The following CNBD1 variants were observed in gnomAD, a reference collection of about 807,000 sequenced individuals.
CNBD1 encodes cyclic nucleotide binding domain containing 1.
CNBD1 carries 71 observed loss-of-function variants against 54.4 expected under a neutral mutation model. The observed-to-expected ratio is 1.30, with a 90% CI of 1.08 to 1.59. The LOEUF is 1.59. Among genes scored for constraint, CNBD1 ranks in the 40% most tolerant of loss-of-function variants. The pLI is 0.00. For synonymous variants in CNBD1, 182 were observed against 170.7 expected (o/e 1.07, Z -0.51); for missense variants, 659 against 518.0 (o/e 1.27, Z -2.64).
At chr8:86,956,725 T>C (rs1260721893) in intron 4 of CNBD1, among the ~76,000 whole-genome samples, 1 of 152,220 alleles carries the variant, frequency 6.6e-6, no homozygotes, top group Non-Finnish European at 1.5e-5. Flanking sequence ...TAAGGAGATT[T>C]TGGGCTGAGA....
At chr8:87,036,876 T>C (rs1469853162) in intron 4 of CNBD1, among the ~76,000 whole-genome samples, 4 of 152,218 alleles carry the variant, frequency 2.6e-5, no homozygotes, top group African/African-American at 9.6e-5. Flanking sequence ...TCTCTAGGCC[T>C]GTTACACAGC....
At chr8:87,117,551 CA>C (rs1811800592) in intron 4 of CNBD1, among the ~76,000 whole-genome samples, 1 of 152,090 alleles carries the variant, frequency 6.6e-6, no homozygotes, top group Non-Finnish European at 1.5e-5. Flanking sequence ...ATCTTATTTC[CA>C]AAAAGACAAG....
intron 6 of CNBD1, among the ~76,000 whole-genome samples, chr8:87,254,624 A>T (rs1370909851): frequency 6.6e-6 from 1 of 152,132 alleles, no homozygotes; most frequent in African/African-American, 2.4e-5. Flanking sequence ...AAAGATATGG[A>T]TAATTTGGAA....
intron 3 of CNBD1, among the ~76,000 whole-genome samples, chr8:86,927,513 G>T (rs1043760776): frequency 2.0e-5 from 3 of 152,106 alleles, no homozygotes; most frequent in African/African-American, 7.2e-5. Flanking sequence ...AAGTTGTAGG[G>T]TGTAATTACA....
At chr8:87,227,725 T>G (rs1309530193) in intron 5 of CNBD1, among the ~76,000 whole-genome samples, 1 of 148,872 alleles carries the variant, frequency 6.7e-6, no homozygotes, top group Admixed American at 6.7e-5. Context: ...TGTCTTGGAG[T>G]TGCTCTTCTC....
At chr8:86,929,397 G>A (rs1809419482) in intron 3 of CNBD1, among the ~76,000 whole-genome samples, 1 of 152,194 alleles carries the variant, frequency 6.6e-6, no homozygotes, top group Non-Finnish European at 1.5e-5. Flanking sequence ...CTGGGCGCTG[G>A]TCCCTGGGGG....
intron 4 of CNBD1, among the ~76,000 whole-genome samples, chr8:86,995,679 G>T (rs1166181674): frequency 9.2e-5 from 13 of 140,884 alleles, no homozygotes; most frequent in Non-Finnish European, 1.5e-4. Flanking sequence ...ACAGCAGTGT[G>T]TGTATGGGTG....
At chr8:86,954,478 A>T (rs1206011996) in intron 4 of CNBD1, among the ~76,000 whole-genome samples, 1 of 152,202 alleles carries the variant, frequency 6.6e-6, no homozygotes, top group Non-Finnish European at 1.5e-5. Context: ...TTAAAAGATC[A>T]ATTTTTACAA....
intron 2 of CNBD1, among the ~76,000 whole-genome samples, chr8:87,406,325 T>C (rs916075394): frequency 1.3e-5 from 2 of 151,906 alleles, no homozygotes; most frequent in African/African-American, 4.8e-5. Context: ...TACTATAAAT[T>C]CAAACATTTT....
intron 6 of CNBD1, among the ~76,000 whole-genome samples, chr8:87,256,299 G>A (rs570743692): frequency 1.5e-4 from 22 of 151,560 alleles, no homozygotes; most frequent in Admixed American, 1.3e-3. Flanking sequence ...TGGTATTACA[G>A]GTATGAGCCA....
chr8:86,907,691 A>T (rs1458596736), intron 3 of CNBD1, among the ~76,000 whole-genome samples: 1 of 150,352 alleles, frequency 6.7e-6, no homozygotes, highest in African/African-American at 2.4e-5. Context: ...ACAAAAAAAC[A>T]AAAAAAAACC....
chr8:87,423,807 G>A (rs1807990218), intron 2 of CNBD1, among the ~76,000 whole-genome samples: 1 of 152,052 alleles, frequency 6.6e-6, no homozygotes, highest in African/African-American at 2.4e-5. Flanking sequence ...AGTTAGGGAG[G>A]ATTCCCTCTT....
intron 4 of CNBD1, among the ~76,000 whole-genome samples, chr8:87,201,076 G>T (rs1287143273): frequency 6.6e-6 from 1 of 152,030 alleles, no homozygotes; most frequent in African/African-American, 2.4e-5. Context: ...TTCCAGTAAT[G>T]CAGGGTCGCT....
intron 2 of CNBD1, among the ~76,000 whole-genome samples, chr8:86,902,771 G>A (rs1808957928): frequency 6.6e-6 from 1 of 151,922 alleles, no homozygotes; most frequent in South Asian, 2.1e-4. Context: ...CAGAATTGAA[G>A]GGTCAGATAG....
chr8:87,315,338 G>T (rs1243437738), intron 8 of CNBD1, among the ~76,000 whole-genome samples: 1 of 151,902 alleles, frequency 6.6e-6, no homozygotes, highest in African/African-American at 2.4e-5. Context: ...TGTTTGTGTT[G>T]CTAAAAAGGA....
At chr8:86,982,077 C>T (rs1808500136) in intron 4 of CNBD1, among the ~76,000 whole-genome samples, 1 of 152,154 alleles carries the variant, frequency 6.6e-6, no homozygotes, top group Admixed American at 6.6e-5. Context: ...AACAGAATTG[C>T]CAGTCCATTA....
chr8:87,074,172 G>T (rs935595971), intron 4 of CNBD1, among the ~76,000 whole-genome samples: 2 of 151,922 alleles, frequency 1.3e-5, no homozygotes, highest in South Asian at 2.1e-4. Flanking sequence ...GGGGTTGTTG[G>T]GAGGGGAGCC....
chr8:87,396,140 G>C (rs563098028), intron 2 of CNBD1, among the ~76,000 whole-genome samples: 13 of 151,854 alleles, frequency 8.6e-5, no homozygotes, highest in African/African-American at 3.1e-4. Flanking sequence ...GTATAGAAGA[G>C]GAAATATTTG....
intron 8 of CNBD1, among the ~76,000 whole-genome samples, chr8:87,350,143 G>A (rs780326636): frequency 6.6e-6 from 1 of 152,040 alleles, no homozygotes; most frequent in Non-Finnish European, 1.5e-5. Flanking sequence ...TGTTTTGGTG[G>A]AAGAGTTCCT....
Sources: allele counts gnomAD v4.1 joint callset (sites outside exome capture counted in the v4.1 genomes callset), GRCh38; gene constraint gnomAD v4.1.1; transcripts MANE v1.5; gene names NCBI Gene and HGNC (gene_info 2026-07-23, HGNC 2026-07-21).